The following CNTLN variants were observed in gnomAD, a reference collection of about 807,000 sequenced individuals.
CNTLN encodes centlein, also known as centlein, centrosomal protein.
A neutral mutation model predicts 180.0 loss-of-function variants in CNTLN; 212 were observed. That is an observed-to-expected ratio of 1.18 (90% CI 1.05 to 1.32). The LOEUF is 1.32. CNTLN is among the 40% of genes most tolerant of loss of function. CNTLN has a pLI of 0.00. For synonymous variants in CNTLN, 722 were observed against 563.1 expected, an observed-to-expected ratio of 1.28 and a Z score of -3.99; for missense variants, 2,095 against 1,610.9, an observed-to-expected ratio of 1.30 and a Z score of -5.14.
intron 2 of CNTLN, among the ~76,000 whole-genome samples, chr9:17,212,106 T>G (rs1823362246): frequency 6.6e-6 from 1 of 152,180 alleles, no homozygotes; most frequent in South Asian, 2.1e-4. Flanking sequence ...ATAGGAGTGG[T>G]GAGAGAGGGC....
chr9:17,349,172 G>T (rs1822164942), intron 12 of CNTLN, among the ~76,000 whole-genome samples: 1 of 152,034 alleles, frequency 6.6e-6, no homozygotes. Flanking sequence ...ACTTTTCAAA[G>T]TCTCATGTTT....
At chr9:17,235,472 C>G (rs1825085344) in intron 3 of CNTLN, among the ~76,000 whole-genome samples, 186 bp from the exon 4 acceptor site, 1 of 152,034 alleles carries the variant, frequency 6.6e-6, no homozygotes, top group South Asian at 2.1e-4. Flanking sequence ...TAAATAGGCC[C>G]TGTACTTGCA....
intron 18 of CNTLN, among the ~76,000 whole-genome samples, chr9:17,437,644 T>A (rs1031170128): frequency 6.6e-6 from 1 of 152,194 alleles, no homozygotes; most frequent in Non-Finnish European, 1.5e-5. Flanking sequence ...TGCACATGGA[T>A]AAGTATGTTT....
At chr9:17,345,433 C>T (rs1316337912) in intron 12 of CNTLN, among the ~76,000 whole-genome samples, 1 of 151,818 alleles carries the variant, frequency 6.6e-6, no homozygotes, top group African/African-American at 2.4e-5. Flanking sequence ...CTGTTTGTTT[C>T]CTCTGTTTCC....
intron 14 of CNTLN, among the ~76,000 whole-genome samples, chr9:17,391,683 C>G (rs1407059119): frequency 6.6e-6 from 1 of 152,014 alleles, no homozygotes; most frequent in Non-Finnish European, 1.5e-5. Flanking sequence ...TTGAAATATA[C>G]AGCTGATTTA....
chr9:17,145,606 T>C (rs1370738927), intron 2 of CNTLN, among the ~76,000 whole-genome samples: 1 of 152,216 alleles, frequency 6.6e-6, no homozygotes, highest in African/African-American at 2.4e-5. Context: ...TTATAAAGAA[T>C]GTCTACGTCC....
chr9:17,454,101 GTGTC>G (rs1417355946), intron 18 of CNTLN, among the ~76,000 whole-genome samples: 3 of 152,160 alleles, frequency 2.0e-5, no homozygotes, highest in African/African-American at 7.2e-5. Context: ...TCTGAGAATT[GTGTC>G]TACCACAGGA....
At chr9:17,159,458 C>G (rs145285364) in intron 2 of CNTLN, among the ~76,000 whole-genome samples, 71 of 152,258 alleles carry the variant, frequency 4.7e-4, no homozygotes, top group African/African-American at 1.3e-3. Flanking sequence ...CTTGGCTTGC[C>G]TCTCCTGGCA....
At chr9:17,245,990 T>C (rs1199158228) in intron 5 of CNTLN, among the ~76,000 whole-genome samples, 1 of 152,178 alleles carries the variant, frequency 6.6e-6, no homozygotes, top group East Asian at 1.9e-4. Context: ...TTTTGAATTA[T>C]CTGTCTGAAA....
intron 5 of CNTLN, among the ~76,000 whole-genome samples, chr9:17,249,070 A>G (rs1212939578): frequency 2.0e-5 from 3 of 151,218 alleles, no homozygotes; most frequent in Admixed American, 1.3e-4. Flanking sequence ...TAAAATTTCA[A>G]CTCTAATATT....
intron 12 of CNTLN, among the ~76,000 whole-genome samples, chr9:17,364,007 G>T (rs1802352738): frequency 1.3e-5 from 2 of 152,098 alleles, no homozygotes; most frequent in Admixed American, 6.6e-5. Flanking sequence ...GTTGTTAGAA[G>T]TGTTTTCTTC....
At chr9:17,511,001 T>C in the CNTLN span, among the ~76,000 whole-genome samples, 1 of 152,220 alleles carries the variant, frequency 6.6e-6, no homozygotes, top group African/African-American at 2.4e-5. Flanking sequence ...CAACCATGTC[T>C]GAGAGATGAA....
At chr9:17,399,447 T>A (rs1177427164) in intron 15 of CNTLN, among the ~76,000 whole-genome samples, 1 of 152,212 alleles carries the variant, frequency 6.6e-6, no homozygotes, top group Non-Finnish European at 1.5e-5. Flanking sequence ...TCTGACTTCA[T>A]GTCTCTCCCT....
chr9:17,456,802 C>G (rs1214836530), intron 18 of CNTLN, among the ~76,000 whole-genome samples: 2 of 152,078 alleles, frequency 1.3e-5, no homozygotes, highest in Admixed American at 6.6e-5. Context: ...ATTCTGCTCA[C>G]TATAGATGGG....
At position 17,296,396 on chromosome 9, in the gene CNTLN, C is replaced by A. The variant is rs182796566; in HGVS notation, c.984-1794C>A. On this transcript the variant is annotated intron_variant, in intron 6 of 25. Coordinates refer to ENST00000380647, the MANE Select transcript of CNTLN (RefSeq NM_017738.4). ...AATGCAGACCAGCTACGGATTCGGG[C>A]CTTCTCATTAAGAAATACCAAATGT... 1.4e-4 allele frequency among the ~76,000 whole-genome samples: 22 copies of A among 152,148 alleles called. No individual in the cohort carries two copies. In the East Asian group the frequency reaches 3.1e-3, roughly 21 times the overall value.
intron 2 of CNTLN, among the ~76,000 whole-genome samples, chr9:17,190,449 AT>A (rs1216394573): frequency 1.1e-4 from 16 of 151,922 alleles, no homozygotes; most frequent in African/African-American, 3.6e-4. Flanking sequence ...CCATGAAAGG[AT>A]TTTTTTATCT....
In CNTLN at chr9:17,135,445, TC is replaced by T; in HGVS notation, c.360+25del. ...TGTCAGGTATCGAGGAGTCTCGCAG[TC>T]CCCCTTTCCCCACCACAGCGGGGCC... On this transcript the variant is annotated intron_variant, in intron 1 of 25. Transcript: ENST00000380647. 6.3e-7 allele frequency: 1 copy of T among 1,576,450 alleles called. No individual in the cohort carries two copies. Among genetic ancestry groups the T allele is most frequent in the Admixed American group, 1.9e-5 (1 of 53,640 alleles).
At chr9:17,178,838 A>G (rs938711573) in intron 2 of CNTLN, among the ~76,000 whole-genome samples, 8 of 152,240 alleles carry the variant, frequency 5.3e-5, no homozygotes, top group South Asian at 4.1e-4. Context: ...CCCACAGTGC[A>G]GCGGTGGGCT....
Position 17,484,454 on chromosome 9 carries a change from G to A in CNTLN, c.4015G>A (p.Glu1339Lys), listed in dbSNP as rs1486028560. 4 of 1,602,818 alleles carry A rather than the reference G, an allele frequency of 2.5e-6. No individual in the cohort carries two copies. In the African/African-American group the frequency reaches 5.4e-5, roughly 22 times the overall value. Residue 1339 changes from glutamate to lysine, a missense_variant, in exon 24 of 26, where the codon GAA becomes AAA. Coordinates refer to ENST00000380647, the MANE Select transcript of CNTLN (RefSeq NM_017738.4). ...GAACATTTCACGGTCAGATTTAGAG[G>A]AAATATTAGACACAGAAGATCAAGT... ...ILNISRSDLE[E>K]ILDTEDQVEI...
Sources: allele counts gnomAD v4.1 joint callset (sites outside exome capture counted in the v4.1 genomes callset), GRCh38; gene constraint gnomAD v4.1.1; transcripts MANE v1.5; gene names NCBI Gene and HGNC (gene_info 2026-07-23, HGNC 2026-07-21).